The following SGIP1 variants were observed in gnomAD, a reference collection of about 807,000 sequenced individuals.
SGIP1 encodes the protein SH3-containing GRB2-like protein 3-interacting protein 1.
In SGIP1, 38 loss-of-function variants were observed where a neutral mutation model predicts 107.5. That is an observed-to-expected ratio of 0.35 (90% CI 0.27 to 0.46). The LOEUF is 0.46. Among genes scored for constraint, SGIP1 ranks in the 20% least tolerant of loss-of-function variants. The pLI, the probability that SGIP1 is intolerant of heterozygous loss-of-function variation, is 1.00. For synonymous variants in SGIP1, 365 were observed against 366.1 expected (o/e 1.00, Z 0.03); for missense variants, 929 against 1,019.5 (o/e 0.91, Z 1.21).
intron 18 of SGIP1, among the ~76,000 whole-genome samples, chr1:66,707,075 C>T (rs143379277): frequency 6.7e-4 from 102 of 152,184 alleles, no homozygotes; most frequent in Non-Finnish European, 1.1e-3. Context: ...ACCCTGTCTG[C>T]ATGTATCTAC....
chr1:66,603,478 T>G (rs1472068803), intron 1 of SGIP1, among the ~76,000 whole-genome samples: 2 of 152,166 alleles, frequency 1.3e-5, no homozygotes, highest in Non-Finnish European at 2.9e-5. Flanking sequence ...AAAGAATTTT[T>G]TAACTGAAAC....
chr1:66,659,055 G>A (rs1464399588), intron 7 of SGIP1, among the ~76,000 whole-genome samples: 1 of 152,286 alleles, frequency 6.6e-6, no homozygotes, highest in Non-Finnish European at 1.5e-5. Flanking sequence ...CGATGAGGAT[G>A]GGAAGGGAAG....
chr1:66,540,831 T>C (rs1381118270), intron 1 of SGIP1, among the ~76,000 whole-genome samples: 1 of 152,222 alleles, frequency 6.6e-6, no homozygotes, highest in Non-Finnish European at 1.5e-5. Flanking sequence ...AAAGTTACTT[T>C]ACATTCCTGG....
At chr1:66,689,079 A>G in intron 15 of SGIP1, 69 bp from the exon 16 acceptor site, 1 of 1,515,184 alleles carries the variant, frequency 6.6e-7, no homozygotes. Flanking sequence ...CGGGACTGGC[A>G]TTATACTGTG....
chr1:66,698,384 T>C (rs1317618442), intron 18 of SGIP1, among the ~76,000 whole-genome samples: 35 of 145,458 alleles, frequency 2.4e-4, no homozygotes, highest in Middle Eastern at 3.4e-3. Flanking sequence ...GATGACTTTT[T>C]TTTTTTTTTT....
rs1018811649 is a variant in SGIP1 at position 66,748,231 on chromosome 1, G to A, written c.*5136G>A. The A allele has an allele frequency of 1.3e-4, 20 of 151,898 alleles. No individual in the cohort carries two copies. The highest frequency in any genetic ancestry group is 1.2e-3 in the Admixed American group (19 of 15,250). The allele number at this position is 151,898 out of a possible 1,614,324, so 9.4% of individuals were successfully genotyped here. A position where few individuals can be genotyped will look rare whatever the true frequency, so the allele number is the denominator to read the frequency against. Reference sequence around the variant, plus strand: ...ATTAATGTTCCTTTTTGTCAGTGGAGTGTATGGAAGGAAAATGAGATAGGA... The same window carrying A: ...ATTAATGTTCCTTTTTGTCAGTGGAATGTATGGAAGGAAAATGAGATAGGA... On this transcript the variant is annotated 3_prime_UTR_variant, in exon 25 of 25. Coordinates refer to ENST00000371037, the MANE Select transcript of SGIP1 (RefSeq NM_032291.4).
intron 22 of SGIP1, among the ~76,000 whole-genome samples, chr1:66,740,355 AT>A: frequency 1.5e-5 from 1 of 65,796 alleles, no homozygotes; most frequent in Non-Finnish European, 4.4e-5. Context: ...ACCTTAATTA[AT>A]TGATTAACAC....
chr1:66,743,402 G>GTTTAACTGTGGT lies in SGIP1; in HGVS notation c.*307_*308insTTTAACTGTGGT, dbSNP rs1294974116. On this transcript the variant is annotated 3_prime_UTR_variant, in exon 25 of 25. Transcript: ENST00000371037. ...TTAGCATTTTACCATTCCTGAAATGGATGTAATTTAAACTGTGGTATGTAA... is the reference window on the plus strand; with the variant it reads ...TTAGCATTTTACCATTCCTGAAATGGTTTAACTGTGGTATGTAATTTAAACTGTGGTATGTAA... 1 of 247,948 alleles carries GTTTAACTGTGGT rather than the reference G, an allele frequency of 4.0e-6. No homozygotes were observed. Among genetic ancestry groups the GTTTAACTGTGGT allele is most frequent in the Non-Finnish European group, 7.8e-6 (1 of 127,506 alleles). 15.4% of individuals were successfully genotyped at this position (247,948 alleles called of 1,614,324 possible).
chr1:66,568,737 C>T (rs1439277017), intron 1 of SGIP1, among the ~76,000 whole-genome samples: 3 of 151,898 alleles, frequency 2.0e-5, no homozygotes, highest in African/African-American at 4.8e-5. Flanking sequence ...AAATGTAATC[C>T]ATCACATAAA....
intron 12 of SGIP1, among the ~76,000 whole-genome samples, chr1:66,674,033 T>C (rs1454408617): frequency 6.6e-6 from 1 of 151,998 alleles, no homozygotes; most frequent in Non-Finnish European, 1.5e-5. Context: ...CCGGGCATGG[T>C]GGTGCATGCC....
Position 66,673,201 on chromosome 1 carries a change from T to C in SGIP1, c.561-80T>C, listed in dbSNP as rs1232257375. Reference sequence around the variant, plus strand: ...CACACACTTGTTTCACTAAGAAAAATATGTGAAAGCTTGTATATCTTTTTG... The same window carrying C: ...CACACACTTGTTTCACTAAGAAAAACATGTGAAAGCTTGTATATCTTTTTG... On this transcript the variant is annotated intron_variant, in intron 11 of 24. Transcript: ENST00000371037. 3 of 1,424,924 alleles carry C rather than the reference T, an allele frequency of 2.1e-6. No homozygotes were observed. In the Admixed American group the frequency reaches 5.1e-5, roughly 24 times the overall value. 88.3% of individuals were successfully genotyped at this position (1,424,924 alleles called of 1,614,324 possible). A position where few individuals can be genotyped will look rare whatever the true frequency, so the allele number is the denominator to read the frequency against.
At chr1:66,700,947 C>G (rs974414104) in intron 18 of SGIP1, among the ~76,000 whole-genome samples, 2 of 151,954 alleles carry the variant, frequency 1.3e-5, no homozygotes, top group African/African-American at 4.8e-5. Context: ...CTGAAAGGAC[C>G]TTAATCATTT....
At chr1:66,602,540 G>A (rs2149040448) in intron 1 of SGIP1, among the ~76,000 whole-genome samples, 1 of 152,202 alleles carries the variant, frequency 6.6e-6, no homozygotes, top group Middle Eastern at 3.4e-3. Context: ...AATACTGGAT[G>A]TATGACGAGT....
intron 17 of SGIP1, chr1:66,694,462 G>A: frequency 6.2e-7 from 1 of 1,608,046 alleles, no homozygotes; most frequent in Non-Finnish European, 8.5e-7. Flanking sequence ...TGTTTTTTAT[G>A]ACAAACTGCC....
At chr1:66,649,446 A>G (rs1299844796) in intron 7 of SGIP1, among the ~76,000 whole-genome samples, 1 of 152,164 alleles carries the variant, frequency 6.6e-6, no homozygotes, top group Non-Finnish European at 1.5e-5. Flanking sequence ...AAATGGGACA[A>G]ACAAACAGCT....
intron 1 of SGIP1, among the ~76,000 whole-genome samples, chr1:66,546,009 C>T (rs1183803373): frequency 2.6e-5 from 4 of 152,114 alleles, no homozygotes; most frequent in South Asian, 2.1e-4. Flanking sequence ...TAAATGAATC[C>T]TGTGTAAGGA....
intron 4 of SGIP1, among the ~76,000 whole-genome samples, chr1:66,638,821 A>G (rs1467236441): frequency 6.6e-6 from 1 of 152,212 alleles, no homozygotes; most frequent in African/African-American, 2.4e-5. Flanking sequence ...TTGCAAAATT[A>G]GAGGTCCTGT....
intron 15 of SGIP1, chr1:66,684,031 G>C: frequency 1.3e-6 from 2 of 1,533,096 alleles, no homozygotes; most frequent in Non-Finnish European, 1.8e-6. Context: ...ATGCTTTTTG[G>C]CCCTAAATGC....
At chr1:66,675,967 A>G (rs1373905765) in intron 12 of SGIP1, among the ~76,000 whole-genome samples, 1 of 152,000 alleles carries the variant, frequency 6.6e-6, no homozygotes, top group Non-Finnish European at 1.5e-5. Context: ...TCCTATCACT[A>G]TTTTCCTCTC....
Sources: gnomAD v4.1 joint callset for allele counts (sites outside exome capture counted in the v4.1 genomes callset) on GRCh38, gnomAD v4.1.1 for gene constraint, MANE v1.5 for transcripts, NCBI Gene and HGNC (gene_info 2026-07-23, HGNC 2026-07-21) for gene names.